SLCO3A1: variants seen among roughly 807,000 people sequenced by gnomAD.
SLCO3A1 encodes the protein PGE1 transporter.
In SLCO3A1, 27 loss-of-function variants were observed where a neutral mutation model predicts 63.1. That is an observed-to-expected ratio of 0.43 (90% CI 0.32 to 0.59). SLCO3A1 has a LOEUF of 0.59. SLCO3A1 is among the 20% of genes least tolerant of loss of function. The pLI, the probability that SLCO3A1 is intolerant of heterozygous loss-of-function variation, is 0.09. For missense variants in SLCO3A1, 773 were observed against 945.8 expected (o/e 0.82, Z 2.40); for synonymous variants, 473 against 409.9 (o/e 1.15, Z -1.86).
At chr15:92,127,085 G>C (rs2047933293) in intron 6 of SLCO3A1, among the ~76,000 whole-genome samples, 1 of 152,250 alleles carries the variant, frequency 6.6e-6, no homozygotes, top group South Asian at 2.1e-4. Flanking sequence ...TGGGAGAGCA[G>C]AACAGAGGCA....
intron 2 of SLCO3A1, among the ~76,000 whole-genome samples, chr15:91,932,079 C>T (rs1899255884): frequency 6.6e-6 from 1 of 152,064 alleles, no homozygotes; most frequent in Non-Finnish European, 1.5e-5. Context: ...GCACTGAGCT[C>T]ACTGTTGCCT....
intron 3 of SLCO3A1, among the ~76,000 whole-genome samples, chr15:92,100,813 T>G (rs1175726389): frequency 6.6e-6 from 1 of 152,230 alleles, no homozygotes; most frequent in African/African-American, 2.4e-5. Context: ...TTCTTTCTTC[T>G]TTGTGCTACA....
chr15:91,906,310 C>A (rs912707571), intron 1 of SLCO3A1, among the ~76,000 whole-genome samples: 9 of 152,248 alleles, frequency 5.9e-5, no homozygotes, highest in African/African-American at 2.2e-4. Context: ...GTGTGTTTTT[C>A]TTTATTCCGG....
chr15:92,026,021 C>T (rs1424902039), intron 2 of SLCO3A1, among the ~76,000 whole-genome samples: 3 of 152,174 alleles, frequency 2.0e-5, no homozygotes, highest in Non-Finnish European at 4.4e-5. Context: ...TCTTTTGCCC[C>T]AGGTCAGCGC....
Position 92,143,449 on chromosome 15 carries a change from T to A in SLCO3A1, c.1513-3535T>A, listed in dbSNP as rs56038918. ...ATATATAATATATATAATATATATA[T>A]AATATATATAATATATATAAATATA... On this transcript the variant is annotated intron_variant, in intron 7 of 9. Coordinates refer to ENST00000318445, the MANE Select transcript of SLCO3A1 (RefSeq NM_013272.4). Among the ~76,000 whole-genome samples, 36 of 4,928 alleles carry A rather than the reference T, an allele frequency of 7.3e-3. 8 individuals carry two copies. The African/African-American group carries it at 0.078, about 11-fold the overall frequency. 3.2% of individuals were successfully genotyped at this position (4,928 alleles called of 152,430 possible).
intron 1 of SLCO3A1, among the ~76,000 whole-genome samples, chr15:91,910,730 C>T (rs1567181181): frequency 6.6e-6 from 1 of 152,220 alleles, no homozygotes; most frequent in African/African-American, 2.4e-5. Context: ...CATGCATGCA[C>T]AACCTCTCTG....
In SLCO3A1 at chr15:92,027,090, C is replaced by CA. The variant is rs79713708; in HGVS notation, c.647-67776dup. Among the ~76,000 whole-genome samples the CA allele has an allele frequency of 3.0e-3, 368 of 121,056 alleles. 1 individual carries two copies. The highest frequency in any genetic ancestry group is 4.4e-3 in the Non-Finnish European group (233 of 52,412). The allele number at this position is 121,056 out of a possible 152,430, so 79.4% of individuals were successfully genotyped here. A position where few individuals can be genotyped will look rare whatever the true frequency, so the allele number is the denominator to read the frequency against. Reference sequence around the variant, plus strand: ...GGGTGACAGAGTGAGACTTTGTCTCCAAAAAAAAAAAAAAAGGGGGGGTAC... The same window carrying CA: ...GGGTGACAGAGTGAGACTTTGTCTCCAAAAAAAAAAAAAAAAGGGGGGGTAC... On this transcript the variant is annotated intron_variant, in intron 2 of 9. Transcript: ENST00000318445.
chr15:92,040,205 A>G (rs986897687), intron 2 of SLCO3A1, among the ~76,000 whole-genome samples: 10 of 152,238 alleles, frequency 6.6e-5, no homozygotes, highest in African/African-American at 2.4e-4. Context: ...CCCAGAACTC[A>G]AAGTAAAAAA....
intron 2 of SLCO3A1, among the ~76,000 whole-genome samples, chr15:92,086,738 G>A (rs1306372921): frequency 6.6e-6 from 1 of 152,082 alleles, no homozygotes; most frequent in African/African-American, 2.4e-5. Flanking sequence ...CACTTTGGGA[G>A]GCCAAGGTGG....
intron 1 of SLCO3A1, among the ~76,000 whole-genome samples, chr15:91,878,975 T>C (rs899701562): frequency 1.3e-5 from 2 of 152,216 alleles, no homozygotes; most frequent in African/African-American, 4.8e-5. Flanking sequence ...ATTTCTGAAA[T>C]AGCTCTTCTT....
At chr15:92,082,703 A>AC (rs2047361483) in intron 2 of SLCO3A1, among the ~76,000 whole-genome samples, 2 of 152,198 alleles carry the variant, frequency 1.3e-5, no homozygotes. Flanking sequence ...AAGACTGATA[A>AC]CCCTTCTTCC....
intron 3 of SLCO3A1, among the ~76,000 whole-genome samples, chr15:92,103,757 G>A (rs1231142105): frequency 6.6e-6 from 1 of 151,878 alleles, no homozygotes; most frequent in East Asian, 1.9e-4. Context: ...AAAGGGGTAG[G>A]ACTTCAACCC....
In SLCO3A1 at chr15:92,096,807, G is replaced by A. The variant is rs890580465; in HGVS notation, c.745+1828G>A. 1.2e-4 allele frequency among the ~76,000 whole-genome samples: 19 copies of A among 152,298 alleles called. 1 individual carries two copies. The East Asian group carries it at 3.1e-3, about 25-fold the overall frequency. ...TCCAAGTGGAAAAAAAAAATCAGAG[G>A]CAGCCCTATTTATTTATACTTTTAA... On this transcript the variant is annotated intron_variant, in intron 3 of 9. Coordinates refer to ENST00000318445, the MANE Select transcript of SLCO3A1 (RefSeq NM_013272.4).
chr15:91,889,309 C>T (rs1209304401), intron 1 of SLCO3A1: 1 of 459,238 alleles, frequency 2.2e-6, no homozygotes, highest in Non-Finnish European at 4.2e-6. Context: ...TAGGCCTCTG[C>T]TATCTCCCCT....
At chr15:91,939,032 A>G (rs1899519736) in intron 2 of SLCO3A1, among the ~76,000 whole-genome samples, 1 of 152,136 alleles carries the variant, frequency 6.6e-6, no homozygotes, top group African/African-American at 2.4e-5. Context: ...GCTGTATTAG[A>G]TTGTTCTTGC....
intron 2 of SLCO3A1, among the ~76,000 whole-genome samples, chr15:91,939,305 A>AG (rs1899531638): frequency 1.3e-5 from 2 of 151,952 alleles, no homozygotes; most frequent in African/African-American, 4.8e-5. Context: ...GAACAGCACC[A>AG]AGAGGATGGT....
intron 2 of SLCO3A1, among the ~76,000 whole-genome samples, chr15:92,061,586 GGGCTGTT>G (rs1266532935): frequency 6.6e-6 from 1 of 152,220 alleles, no homozygotes; most frequent in Admixed American, 6.5e-5. Context: ...AGAGCTAATA[GGGCTGTT>G]GGCTGTTGGG....
chr15:91,909,075 AAAAC>A (rs948642306), intron 1 of SLCO3A1, among the ~76,000 whole-genome samples: 14 of 152,228 alleles, frequency 9.2e-5, no homozygotes, highest in African/African-American at 1.4e-4. Context: ...AAAACAAAAC[AAAAC>A]AAACAAACAA....
chr15:92,030,857 G>A (rs1489532109), intron 2 of SLCO3A1, among the ~76,000 whole-genome samples: 3 of 152,168 alleles, frequency 2.0e-5, no homozygotes, highest in African/African-American at 4.8e-5. Flanking sequence ...CCATGGAAAC[G>A]AGAGATGCCC....
Sources: allele counts gnomAD v4.1 joint callset (sites outside exome capture counted in the v4.1 genomes callset), GRCh38; gene constraint gnomAD v4.1.1; transcripts MANE v1.5; gene names NCBI Gene and HGNC (gene_info 2026-07-23, HGNC 2026-07-21).